ZNG1E: variants seen among roughly 807,000 people sequenced by gnomAD.
ZNG1E encodes the protein zinc-regulated GTPase metalloprotein activator 1E.
At chr9:65,691,088 T>G in the ZNG1E span, 22 of 1,592,656 alleles carry the variant, frequency 1.4e-5, no homozygotes, top group Non-Finnish European at 1.9e-5. Flanking sequence ...GTTTTTTTTT[T>G]TCTGAGACAG....
chr9:65,677,056 CTG>C, the ZNG1E span: 15 of 990,920 alleles, frequency 1.5e-5, no homozygotes, highest in African/African-American at 2.5e-4. Context: ...ACTTTGTAGA[CTG>C]TAAGTTTATT....
chr9:65,717,184 T>C, the ZNG1E span, among the ~76,000 whole-genome samples: 2 of 148,794 alleles, frequency 1.3e-5, no homozygotes, highest in Admixed American at 6.7e-5. Context: ...TTGATAATGA[T>C]TGTATGAAAA....
At chr9:65,658,954 C>T in the ZNG1E span, among the ~76,000 whole-genome samples, 6 of 151,350 alleles carry the variant, frequency 4.0e-5, no homozygotes, top group African/African-American at 1.5e-4. Flanking sequence ...CTTTAAAGGC[C>T]CCACGTCTAA....
the ZNG1E span, chr9:65,707,064 G>T: frequency 1.9e-5 from 2 of 105,704 alleles, no homozygotes; most frequent in African/African-American, 8.4e-5. Context: ...AAGTTGGAGT[G>T]CGGTGGTGCG....
chr9:65,684,685 T>C, the ZNG1E span, among the ~76,000 whole-genome samples: 2 of 152,002 alleles, frequency 1.3e-5, no homozygotes, highest in East Asian at 1.9e-4. Context: ...TTGTTAGAAA[T>C]GCAAATTCTT....
chr9:65,691,657 C>G, the ZNG1E span, among the ~76,000 whole-genome samples: 1 of 152,246 alleles, frequency 6.6e-6, no homozygotes, highest in Non-Finnish European at 1.5e-5. Flanking sequence ...ATGTTAGAGC[C>G]TTTTATTTTT....
At chr9:65,681,263 T>C in the ZNG1E span, among the ~76,000 whole-genome samples, 12 of 151,946 alleles carry the variant, frequency 7.9e-5, no homozygotes, top group African/African-American at 2.9e-4. Context: ...ATTTAGAAAG[T>C]TTACCCTGGA....
the ZNG1E span, among the ~76,000 whole-genome samples, chr9:65,663,116 TG>T: frequency 6.6e-6 from 1 of 152,260 alleles, no homozygotes; most frequent in African/African-American, 2.4e-5. Context: ...ATCAGATGAG[TG>T]CTCTGTTTCT....
chr9:65,733,494 TTTG>T, the ZNG1E span: 1 of 1,177,668 alleles, frequency 8.5e-7, no homozygotes, highest in Non-Finnish European at 1.2e-6. Context: ...CACGTCATAT[TTTG>T]TTTTGTTTGC....
chr9:65,660,180 C>G, the ZNG1E span, among the ~76,000 whole-genome samples: 8 of 135,836 alleles, frequency 5.9e-5, no homozygotes, highest in Non-Finnish European at 1.1e-4. Context: ...CAACACAGAG[C>G]AGATCACAAG....
At chr9:65,661,882 T>A in the ZNG1E span, among the ~76,000 whole-genome samples, 29 of 152,378 alleles carry the variant, frequency 1.9e-4, no homozygotes, top group East Asian at 5.4e-3. Context: ...GTTGTACACT[T>A]AAATGAGTGG....
At chr9:65,685,043 T>TAAAAAAAAA in the ZNG1E span, among the ~76,000 whole-genome samples, 38 of 107,700 alleles carry the variant, frequency 3.5e-4, no homozygotes, top group African/African-American at 1.0e-3. Context: ...CCCCATTTCT[T>TAAAAAAAAA]AAAAAAAAAA....
the ZNG1E span, among the ~76,000 whole-genome samples, chr9:65,700,067 A>C: frequency 2.0e-5 from 3 of 148,564 alleles, no homozygotes; most frequent in Non-Finnish European, 4.4e-5. Flanking sequence ...TTGAAAAGTT[A>C]GCGGATTAGG....
the ZNG1E span, among the ~76,000 whole-genome samples, chr9:65,722,521 TG>T: frequency 4.2e-5 from 2 of 47,498 alleles, no homozygotes; most frequent in East Asian, 9.7e-4. Context: ...TTTTTGTTTT[TG>T]TTTTTTTGGT....
the ZNG1E span, among the ~76,000 whole-genome samples, chr9:65,664,758 C>T: frequency 6.6e-6 from 1 of 152,160 alleles, no homozygotes; most frequent in African/African-American, 2.4e-5. Flanking sequence ...TCCTAGAGAC[C>T]TGTTGAACGA....
chr9:65,714,235 G>T, the ZNG1E span, among the ~76,000 whole-genome samples: 1 of 148,914 alleles, frequency 6.7e-6, no homozygotes, highest in Non-Finnish European at 1.5e-5. Flanking sequence ...CTCTGTATTG[G>T]TTATTCTAGT....
chr9:65,685,464 AT>A, the ZNG1E span, among the ~76,000 whole-genome samples: 1 of 152,002 alleles, frequency 6.6e-6, no homozygotes, highest in African/African-American at 2.4e-5. Context: ...CATATTTTAA[AT>A]CCTTTGTTGT....
chr9:65,685,032 A>AC, the ZNG1E span, among the ~76,000 whole-genome samples: 102 of 142,046 alleles, frequency 7.2e-4, no homozygotes, highest in African/African-American at 2.6e-3. Context: ...ACAGCATGAG[A>AC]CCCCATTTCT....
the ZNG1E span, among the ~76,000 whole-genome samples, chr9:65,661,865 T>A: frequency 6.6e-6 from 1 of 152,254 alleles, no homozygotes; most frequent in Admixed American, 6.5e-5. Context: ...TTATTAAAAC[T>A]CATTGAGTTG....
Sources: gnomAD v4.1 joint callset for allele counts (sites outside exome capture counted in the v4.1 genomes callset) on GRCh38, gnomAD v4.1.1 for gene constraint, MANE v1.5 for transcripts, NCBI Gene and HGNC (gene_info 2026-07-23, HGNC 2026-07-21) for gene names.